LSS: variants seen among roughly 807,000 people sequenced by gnomAD.
LSS encodes the protein lanosterol synthase.
A neutral mutation model predicts 110.3 loss-of-function variants in LSS; 90 were observed. That is an observed-to-expected ratio of 0.82 (90% CI 0.69 to 0.97). The LOEUF (loss-of-function observed/expected upper bound fraction) is 0.97. Among genes scored for constraint, LSS ranks in the 50% least tolerant of loss-of-function variants. The probability of loss-of-function intolerance (pLI) is 0.00; values close to 1 mark genes in which losing one functional copy is unlikely to be tolerated. For missense variants in LSS, 927 were observed against 990.0 expected (o/e 0.94, Z 0.85); for synonymous variants, 433 against 400.0 (o/e 1.08, Z -0.98).
At chr21:46,215,969 C>G (rs73386515) in intron 7 of LSS, among the ~76,000 whole-genome samples, 176 bp from the exon 8 acceptor site, 1 of 152,078 alleles carries the variant, frequency 6.6e-6, no homozygotes, top group African/African-American at 2.4e-5. Context: ...ATGGGAGGAC[C>G]GCTCTGAGGA....
chr21:46,223,467 C>T (rs750616617), intron 3 of LSS, among the ~76,000 whole-genome samples: 1 of 152,188 alleles, frequency 6.6e-6, no homozygotes, highest in Non-Finnish European at 1.5e-5. Flanking sequence ...CTTAGAGCAT[C>T]AGAAGCCCTA....
intron 5 of LSS, among the ~76,000 whole-genome samples, chr21:46,220,022 T>G (rs1450351897): frequency 1.3e-5 from 2 of 152,100 alleles, no homozygotes; most frequent in Non-Finnish European, 2.9e-5. Flanking sequence ...TCATCTCCAC[T>G]TGGCAGACTG....
intron 20 of LSS, chr21:46,192,172 C>T: frequency 1.6e-6 from 1 of 610,372 alleles, no homozygotes; most frequent in Non-Finnish European, 2.9e-6. Context: ...GGAGCCACAG[C>T]AATGACAGGC....
chr21:46,224,280 G>A (rs1444239838), intron 3 of LSS, among the ~76,000 whole-genome samples: 2 of 151,756 alleles, frequency 1.3e-5, no homozygotes, highest in African/African-American at 4.8e-5. Context: ...CACTGGAGAT[G>A]ACTCACACTC....
At chr21:46,193,504 A>C (rs1601411066) in intron 20 of LSS, 1 of 444,666 alleles carries the variant, frequency 2.2e-6, no homozygotes, top group Non-Finnish European at 4.5e-6. Flanking sequence ...GTGTGTGCAC[A>C]GACCTGTGTG....
chr21:46,221,217 G>C (rs796958704), intron 5 of LSS, among the ~76,000 whole-genome samples: 1 of 150,808 alleles, frequency 6.6e-6, no homozygotes, highest in Non-Finnish European at 1.5e-5. Flanking sequence ...AGAGGTAGAC[G>C]ATCAGCTTGG....
chr21:46,199,430 C>T (rs932206216), intron 17 of LSS, among the ~76,000 whole-genome samples: 2 of 152,220 alleles, frequency 1.3e-5, no homozygotes, highest in African/African-American at 2.4e-5. Context: ...GCAAATGGTG[C>T]AGCCACTTAA....
At chr21:46,208,221 G>A (rs529900677) in intron 14 of LSS, 30 bp downstream of exon 14, 6 of 1,550,384 alleles carry the variant, frequency 3.9e-6, no homozygotes, top group East Asian at 4.9e-5. Flanking sequence ...CCTGGGGGAC[G>A]GGACAGGGAT....
At chr21:46,215,913 G>A (rs2080201570) in intron 7 of LSS, 120 bp from the exon 8 acceptor site, 1 of 657,468 alleles carries the variant, frequency 1.5e-6, no homozygotes, top group Non-Finnish European at 2.6e-6. Context: ...CTTCCTGGGT[G>A]GGGGTCCCTC....
chr21:46,216,074 C>A lies in LSS; in HGVS notation c.784-281G>T, dbSNP rs1017144666. Reference sequence around the variant, plus strand: ...CATGGCAGGCCTGATAAACATCCTGCACCTCAAACCTCGCCTCAGGCCTGC... The same window carrying A: ...CATGGCAGGCCTGATAAACATCCTGAACCTCAAACCTCGCCTCAGGCCTGC... On this transcript the variant is annotated intron_variant, in intron 7 of 21. Coordinates refer to ENST00000397728, the MANE Select transcript of LSS (RefSeq NM_002340.6). This position sits in a 1 kb window ranked among gnomAD's most constrained non-coding sequence, Gnocchi z 4.2. Among the ~76,000 whole-genome samples the A allele has an allele frequency of 1.3e-5, 2 of 152,180 alleles. No individual in the cohort carries two copies. Among genetic ancestry groups the A allele is most frequent in the African/African-American group, 4.8e-5 (2 of 41,436 alleles).
At position 46,190,767 on chromosome 21, in the gene LSS, T is replaced by G; in HGVS notation, c.*337A>C. 3.5e-6 allele frequency: 1 copy of G among 285,102 alleles called. No individual in the cohort carries two copies. 17.7% of individuals were successfully genotyped at this position (285,102 alleles called of 1,614,324 possible). On this transcript the variant is annotated 3_prime_UTR_variant, in exon 22 of 22. Transcript: ENST00000397728. This position sits in a 1 kb window ranked among gnomAD's most constrained non-coding sequence, Gnocchi z 4.6. ...TGCTCCTCTCCCAAGAACTCAGCTA[T>G]TGGTCAGAAAAAACCTCCTAGCCTC...
At position 46,196,167 on chromosome 21, in the gene LSS, TGCATCTCTGCACTCACGAGTGGAG is replaced by T. The variant is rs758977475; in HGVS notation, c.1736+11_1736+34del. 1 of 1,599,364 alleles carries T rather than the reference TGCATCTCTGCACTCACGAGTGGAG, an allele frequency of 6.3e-7. No individual in the cohort carries two copies. The highest frequency in any genetic ancestry group is 1.1e-5 in the South Asian group (1 of 90,754). On this transcript the variant is annotated intron_variant, in intron 18 of 21. Transcript: ENST00000397728. ...TGAGAGCAGAAACCTGTGGATCCCG[TGCATCTCTGCACTCACGAGTGGAG>T]GCTCACTCACCCTTCCCAGGAGCCA...
intron 17 of LSS, among the ~76,000 whole-genome samples, chr21:46,197,761 C>T (rs2079927697): frequency 6.6e-6 from 1 of 151,902 alleles, no homozygotes; most frequent in South Asian, 2.1e-4. Flanking sequence ...TGATGACAGG[C>T]GCCTGTAGTC....
intron 17 of LSS, among the ~76,000 whole-genome samples, chr21:46,198,000 A>G (rs1328064983): frequency 6.6e-6 from 1 of 152,246 alleles, no homozygotes; most frequent in Non-Finnish European, 1.5e-5. Context: ...AGAAAAATCC[A>G]TAATAATCCT....
Position 46,216,560 on chromosome 21 carries a change from G to C in LSS, c.648-36C>G. ...AGCAGGAGTCAGTGGGAGACCCCAAGACTCAAGCCTGCCCCCTCCGCCAGC... is the reference window on the plus strand; with the variant it reads ...AGCAGGAGTCAGTGGGAGACCCCAACACTCAAGCCTGCCCCCTCCGCCAGC... On this transcript the variant is annotated intron_variant, in intron 6 of 21. Transcript: ENST00000397728. This position sits in a 1 kb window ranked among gnomAD's most constrained non-coding sequence, Gnocchi z 4.2. 1 of 1,541,702 alleles carries C rather than the reference G, an allele frequency of 6.5e-7. No individual in the cohort carries two copies. Among genetic ancestry groups the C allele is most frequent in the Non-Finnish European group, 8.8e-7 (1 of 1,140,126 alleles).
At position 46,221,953 on chromosome 21, in the gene LSS, C is replaced by T. The variant is rs769006750; in HGVS notation, c.451G>A (p.Val151Met). Residue 151 changes from valine to methionine, a missense_variant, in exon 5 of 22, where the codon GTG becomes ATG. Physicochemically the swap from Val to Met is conservative, Grantham distance 21. Coordinates refer to ENST00000397728, the MANE Select transcript of LSS (RefSeq NM_002340.6). ...ACATAGTTGAGCGCAGTCCCAAACA[C>T]GGTGGACTTATCCTCAATGTGCCTA... Reference protein sequence around the residue: ...WGLHIEDKSTVFGTALNYVSL... With the variant: ...WGLHIEDKSTMFGTALNYVSL... 6.2e-6 allele frequency: 10 copies of T among 1,614,016 alleles called. No individual in the cohort carries two copies. The highest frequency in any genetic ancestry group is 2.7e-5 in the African/African-American group (2 of 74,902).
At chr21:46,208,139 C>T in intron 14 of LSS, 112 bp downstream of exon 14, 1 of 1,021,558 alleles carries the variant, frequency 9.8e-7, no homozygotes. Flanking sequence ...CCCAAAAACG[C>T]CAAGGGAGGA....
chr21:46,202,517 A>G (rs1031612691), intron 17 of LSS, among the ~76,000 whole-genome samples: 2 of 152,164 alleles, frequency 1.3e-5, no homozygotes, highest in Non-Finnish European at 2.9e-5. Context: ...AAAGAAATTG[A>G]GGGGAAAATA....
At position 46,203,841 on chromosome 21, in the gene LSS, C is replaced by CTAAA. The variant is rs2080011506; in HGVS notation, c.1670+1994_1670+1995insTTTA. On this transcript the variant is annotated intron_variant, in intron 17 of 21. Coordinates refer to ENST00000397728, the MANE Select transcript of LSS (RefSeq NM_002340.6). ...ATGGGCCAGAGAAGAACAGTAGAAA[C>CTAAA]AGAAAACACTTTTAGTATCTGTGCT... Among the ~76,000 whole-genome samples the CTAAA allele has an allele frequency of 3.3e-5, 5 of 152,232 alleles. No homozygotes were observed. The South Asian group carries it at 8.3e-4, about 25-fold the overall frequency.
Sources: gnomAD v4.1 joint callset for allele counts (sites outside exome capture counted in the v4.1 genomes callset) on GRCh38, gnomAD v4.1.1 for gene constraint, Gnocchi (gnomAD v3.1) non-coding constraint, MANE v1.5 for transcripts, NCBI Gene and HGNC (gene_info 2026-07-23, HGNC 2026-07-21) for gene names.